Variants in NTRK3 observed in about 807,000 individuals in gnomAD.
NTRK3 encodes the protein NT-3 growth factor receptor.
Under a neutral mutation model 91.7 loss-of-function variants are expected in NTRK3, and 24 were observed. The ratio of observed to expected loss-of-function variants is 0.26; its 90% CI spans 0.19 to 0.37. NTRK3 has a LOEUF of 0.37. Among genes scored for constraint, NTRK3 ranks in the 10% least tolerant of loss-of-function variants. The probability of loss-of-function intolerance (pLI) is 1.00; values close to 1 mark genes in which losing one functional copy is unlikely to be tolerated. For missense variants in NTRK3, 880 were observed against 1,068.9 expected (o/e 0.82, Z 2.46); for synonymous variants, 483 against 404.0 (o/e 1.20, Z -2.34).
chr15:88,196,775 T>G (rs1032446112), intron 3 of NTRK3, among the ~76,000 whole-genome samples: 2 of 152,182 alleles, frequency 1.3e-5, no homozygotes, highest in African/African-American at 4.8e-5. Flanking sequence ...AAGGCATCTC[T>G]CCATTCACAT....
At chr15:88,027,583 C>T (rs2078147182) in intron 14 of NTRK3, among the ~76,000 whole-genome samples, 3 of 152,104 alleles carry the variant, frequency 2.0e-5, no homozygotes, top group Non-Finnish European at 4.4e-5. Flanking sequence ...GGGGTTTCAC[C>T]GTGTTAGCCA....
chr15:88,122,854 A>G (rs1011203387), intron 13 of NTRK3, among the ~76,000 whole-genome samples: 4 of 152,160 alleles, frequency 2.6e-5, no homozygotes, highest in Admixed American at 1.3e-4. Context: ...TTATTATTAA[A>G]ATTAAAGTCA....
chr15:88,183,912 A>G (rs1051338129), intron 4 of NTRK3, among the ~76,000 whole-genome samples: 1 of 152,194 alleles, frequency 6.6e-6, no homozygotes, highest in African/African-American at 2.4e-5. Flanking sequence ...TCAGTCAAGC[A>G]TAAGGGTAGG....
intron 13 of NTRK3, among the ~76,000 whole-genome samples, chr15:88,069,446 T>C (rs907708720): frequency 6.6e-6 from 1 of 152,202 alleles, no homozygotes; most frequent in African/African-American, 2.4e-5. Context: ...GGTGGCATGC[T>C]AACACCTGGG....
At chr15:88,056,175 CATATATAT>C (rs71462431) in intron 13 of NTRK3, among the ~76,000 whole-genome samples, 181 of 57,242 alleles carry the variant, frequency 3.2e-3, no homozygotes, top group African/African-American at 9.8e-3. Flanking sequence ...AGACTGTTTT[CATATATAT>C]ATATATATAT....
chr15:88,115,080 G>A (rs1337924962), intron 13 of NTRK3, among the ~76,000 whole-genome samples: 1 of 152,176 alleles, frequency 6.6e-6, no homozygotes, highest in Non-Finnish European at 1.5e-5. Flanking sequence ...CAGTAGGCAT[G>A]GGCTTTTGTG....
At chr15:87,997,308 C>T (rs2075776845) in intron 14 of NTRK3, among the ~76,000 whole-genome samples, 2 of 152,088 alleles carry the variant, frequency 1.3e-5, no homozygotes, top group Admixed American at 1.3e-4. Flanking sequence ...ACAAGACAGC[C>T]GTGAGTGTCC....
chr15:88,135,240 C>T (rs1368892979), exon 10 of NTRK3: 2 of 1,614,122 alleles, frequency 1.2e-6, no homozygotes, highest in Non-Finnish European at 1.7e-6. Context: ...AAATCTCTCC[C>T]TCTTGGTAGT....
At chr15:87,910,721 A>G (rs1418206748) in intron 17 of NTRK3, among the ~76,000 whole-genome samples, 1 of 152,244 alleles carries the variant, frequency 6.6e-6, no homozygotes, top group Non-Finnish European at 1.5e-5. Context: ...TGGAGCAGGG[A>G]AAGAATGACC....
intron 14 of NTRK3, among the ~76,000 whole-genome samples, chr15:88,012,311 C>T (rs2076936729): frequency 6.6e-6 from 1 of 152,154 alleles, no homozygotes; most frequent in Admixed American, 6.5e-5. Context: ...CAACCTAAAA[C>T]ACAAACCTTC....
chr15:88,085,744 C>T (rs1374394834), intron 13 of NTRK3, among the ~76,000 whole-genome samples: 1 of 152,222 alleles, frequency 6.6e-6, no homozygotes, highest in Non-Finnish European at 1.5e-5. Context: ...CACCTAAGAC[C>T]TGCGCTGGCC....
chr15:88,092,930 C>A (rs2150774658), intron 13 of NTRK3, among the ~76,000 whole-genome samples: 1 of 152,278 alleles, frequency 6.6e-6, no homozygotes, highest in Admixed American at 6.5e-5. Flanking sequence ...AGGATAATCT[C>A]CCCAAATCAA....
chr15:88,043,439 A>G (rs2079851762), intron 13 of NTRK3, among the ~76,000 whole-genome samples: 1 of 152,202 alleles, frequency 6.6e-6, no homozygotes, highest in Admixed American at 6.5e-5. Flanking sequence ...CTAAAGATTT[A>G]TCTGTAACTT....
chr15:87,926,350 T>C lies in NTRK3; in HGVS notation c.2133+2841A>G, dbSNP rs2068308168. ...AGCTGGTCTTTAAATGTCTCATCAG[T>C]AGAATACACAGATTTCCAATGGTGT... is the stretch of plus-strand genomic sequence containing the variant. On this transcript the variant is annotated intron_variant, in intron 17 of 18. Coordinates refer to ENST00000394480, the Ensembl canonical transcript of NTRK3. Among the ~76,000 whole-genome samples, 3 of 151,620 alleles carry C rather than the reference T, an allele frequency of 2.0e-5. No individual in the cohort carries two copies. In the South Asian group the frequency reaches 6.2e-4, roughly 31 times the overall value.
At chr15:88,239,671 A>T (rs1665099602) in intron 3 of NTRK3, among the ~76,000 whole-genome samples, 1 of 152,318 alleles carries the variant, frequency 6.6e-6, no homozygotes, top group South Asian at 2.1e-4. Flanking sequence ...AAACAGACAG[A>T]GAACCAAGCA....
At chr15:88,092,432 G>C (rs1276546140) in intron 13 of NTRK3, among the ~76,000 whole-genome samples, 1 of 152,172 alleles carries the variant, frequency 6.6e-6, no homozygotes, top group Non-Finnish European at 1.5e-5. Flanking sequence ...CACAGGACCA[G>C]AGCTTGGTTA....
intron 10 of NTRK3, among the ~76,000 whole-genome samples, chr15:88,130,516 T>C (rs907904701): frequency 2.0e-5 from 3 of 152,102 alleles, no homozygotes; most frequent in African/African-American, 7.2e-5. Context: ...AGACACCACC[T>C]TGACCAAGTA....
intron 14 of NTRK3, among the ~76,000 whole-genome samples, chr15:87,988,495 A>G (rs1160784200): frequency 6.6e-6 from 1 of 152,242 alleles, no homozygotes; most frequent in African/African-American, 2.4e-5. Context: ...TAGAATGATT[A>G]CAATAGGAGA....
chr15:87,939,624 G>A (rs914149804), intron 15 of NTRK3, among the ~76,000 whole-genome samples: 1 of 152,136 alleles, frequency 6.6e-6, no homozygotes, highest in African/African-American at 2.4e-5. Context: ...CTAAGGATGG[G>A]ACCATTGTGA....
Sources: allele counts gnomAD v4.1 joint callset (sites outside exome capture counted in the v4.1 genomes callset), GRCh38; gene constraint gnomAD v4.1.1; transcripts MANE v1.5; gene names NCBI Gene and HGNC (gene_info 2026-07-23, HGNC 2026-07-21).